The following FOXP2 variants were observed in gnomAD, a reference collection of about 807,000 sequenced individuals.
The protein encoded by FOXP2 is forkhead box protein P2.
Under a neutral mutation model 115.8 loss-of-function variants are expected in FOXP2, and 12 were observed. That is an observed-to-expected ratio of 0.10 (90% CI 0.07 to 0.17). FOXP2 has a LOEUF of 0.17. Ranked by LOEUF, FOXP2 falls within the 10% of genes least tolerant of loss-of-function variation. The pLI, the probability that FOXP2 is intolerant of heterozygous loss-of-function variation, is 1.00. For synonymous variants in FOXP2, 328 were observed against 297.7 expected, an observed-to-expected ratio of 1.10 and a Z score of -1.05; for missense variants, 629 against 843.5, an observed-to-expected ratio of 0.75 and a Z score of 3.15.
At chr7:114,350,793 A>T (rs967652134) in intron 2 of FOXP2, among the ~76,000 whole-genome samples, 2 of 152,100 alleles carry the variant, frequency 1.3e-5, no homozygotes, top group Admixed American at 6.6e-5. Flanking sequence ...TATTTTTATT[A>T]TATTTCTTTT....
At chr7:114,357,087 C>T (rs922614691) in intron 2 of FOXP2, among the ~76,000 whole-genome samples, 1 of 152,050 alleles carries the variant, frequency 6.6e-6, no homozygotes, top group Non-Finnish European at 1.5e-5. Context: ...TTTTCTCTAA[C>T]TTGATTAACT....
At chr7:114,393,548 G>A (rs535773786) in intron 2 of FOXP2, among the ~76,000 whole-genome samples, 1 of 152,094 alleles carries the variant, frequency 6.6e-6, no homozygotes, top group Non-Finnish European at 1.5e-5. Flanking sequence ...GCTGAAGGGG[G>A]CGTCCTTATG....
chr7:114,611,946 A>T (rs1440806513), intron 3 of FOXP2, among the ~76,000 whole-genome samples: 3 of 152,194 alleles, frequency 2.0e-5, no homozygotes, highest in Non-Finnish European at 4.4e-5. Context: ...AGAGTAAAAA[A>T]GAAATGACAA....
At chr7:114,517,490 A>G (rs1798403361) in intron 2 of FOXP2, among the ~76,000 whole-genome samples, 1 of 152,068 alleles carries the variant, frequency 6.6e-6, no homozygotes, top group Non-Finnish European at 1.5e-5. Flanking sequence ...ACAGTTGTTT[A>G]TGGTGTGAGA....
chr7:114,588,149 A>T (rs545016120), intron 3 of FOXP2, among the ~76,000 whole-genome samples: 13 of 151,820 alleles, frequency 8.6e-5, no homozygotes, highest in East Asian at 2.0e-4. Context: ...CTCTACTAAA[A>T]ATACAAAAAA....
chr7:114,272,001 A>C (rs1457377452), intron 1 of FOXP2, among the ~76,000 whole-genome samples: 4 of 135,984 alleles, frequency 2.9e-5, no homozygotes, highest in African/African-American at 1.1e-4. Flanking sequence ...TATAATATGT[A>C]ATATTATAAT....
chr7:114,664,729 G>A (rs1585008070), intron 16 of FOXP2: 1 of 409,774 alleles, frequency 2.4e-6, no homozygotes, highest in East Asian at 5.3e-5. Flanking sequence ...TACATCTTAT[G>A]GGTCATTATC....
At chr7:114,538,847 A>T (rs1191359900) in intron 3 of FOXP2, among the ~76,000 whole-genome samples, 1 of 151,804 alleles carries the variant, frequency 6.6e-6, no homozygotes, top group Admixed American at 6.6e-5. Flanking sequence ...CCATCCAGAA[A>T]CCGTGCCTTG....
intron 1 of FOXP2, among the ~76,000 whole-genome samples, chr7:114,219,381 A>C (rs1184302996): frequency 6.6e-6 from 1 of 152,136 alleles, no homozygotes; most frequent in Non-Finnish European, 1.5e-5. Context: ...ATGTTAATAT[A>C]TGATCTTTAC....
intron 1 of FOXP2, among the ~76,000 whole-genome samples, chr7:114,143,002 G>A (rs889370758): frequency 2.6e-5 from 4 of 151,786 alleles, no homozygotes; most frequent in African/African-American, 7.3e-5. Context: ...TAAAAAATTA[G>A]TCAGGCATGG....
At chr7:114,447,841 T>A (rs181531695) in intron 2 of FOXP2, among the ~76,000 whole-genome samples, 1 of 152,318 alleles carries the variant, frequency 6.6e-6, no homozygotes. Context: ...TTTTCCAAGT[T>A]CTATTTCAGA....
At chr7:114,240,463 T>G (rs1795123648) in intron 1 of FOXP2, among the ~76,000 whole-genome samples, 1 of 152,138 alleles carries the variant, frequency 6.6e-6, no homozygotes, top group Non-Finnish European at 1.5e-5. Flanking sequence ...TCCATGATAA[T>G]TTATTACCTT....
chr7:114,105,349 G>A (rs1204482848), intron 1 of FOXP2, among the ~76,000 whole-genome samples: 1 of 152,022 alleles, frequency 6.6e-6, no homozygotes, highest in Non-Finnish European at 1.5e-5. Flanking sequence ...ACATATTGAA[G>A]TCTAGACAGC....
intron 1 of FOXP2, among the ~76,000 whole-genome samples, chr7:114,281,190 C>A (rs191042123): frequency 4.2e-4 from 64 of 151,138 alleles, no homozygotes; most frequent in African/African-American, 1.5e-3. Flanking sequence ...CAACCTCCCC[C>A]TCCCGGGTTT....
chr7:114,356,349 T>C (rs913390423), intron 2 of FOXP2, among the ~76,000 whole-genome samples: 6 of 152,176 alleles, frequency 3.9e-5, no homozygotes, highest in African/African-American at 1.4e-4. Context: ...CTAATCATCT[T>C]GTTATAAACT....
At chr7:114,539,372 G>A (rs1341336873) in intron 3 of FOXP2, among the ~76,000 whole-genome samples, 1 of 151,852 alleles carries the variant, frequency 6.6e-6, no homozygotes, top group African/African-American at 2.4e-5. Context: ...GAAGTGGAGA[G>A]AAGCTAAACC....
intron 2 of FOXP2, among the ~76,000 whole-genome samples, chr7:114,362,354 C>T (rs115167958): frequency 0.011 from 1,715 of 152,006 alleles, 28 homozygotes; most frequent in African/African-American, 0.038. Flanking sequence ...AGTTGAATTC[C>T]GGTTCTAAGT....
intron 2 of FOXP2, among the ~76,000 whole-genome samples, chr7:114,526,349 C>T (rs1798861141): frequency 6.6e-6 from 1 of 150,920 alleles, no homozygotes; most frequent in Non-Finnish European, 1.5e-5. Context: ...TGGAGGCACG[C>T]GCCTGTAATC....
At chr7:114,326,939 A>C (rs1797568694) in intron 2 of FOXP2, among the ~76,000 whole-genome samples, 1 of 152,188 alleles carries the variant, frequency 6.6e-6, no homozygotes, top group Non-Finnish European at 1.5e-5. Flanking sequence ...AATGACCTAC[A>C]TTTATTTTCT....
Sources: allele counts gnomAD v4.1 joint callset (sites outside exome capture counted in the v4.1 genomes callset), GRCh38; gene constraint gnomAD v4.1.1; transcripts MANE v1.5; gene names NCBI Gene and HGNC (gene_info 2026-07-23, HGNC 2026-07-21).